Variants in DOCK11 observed in about 807,000 individuals in gnomAD.
DOCK11 encodes the protein dedicator of cytokinesis 11, also known as dedicator of cytokinesis protein 11.
Under a neutral mutation model 169.1 loss-of-function variants are expected in DOCK11, and 70 were observed. That is an observed-to-expected ratio of 0.41 (90% CI 0.34 to 0.51). DOCK11 has a LOEUF of 0.51. DOCK11 is among the 20% of genes least tolerant of loss of function. The pLI is 0.10. For synonymous variants in DOCK11, 529 were observed against 541.3 expected (o/e 0.98, Z 0.32); for missense variants, 1,166 against 1,538.8 (o/e 0.76, Z 4.05).
intron 40 of DOCK11, among the ~76,000 whole-genome samples, chrX:118,648,659 T>C (rs1234347965): frequency 9.8e-6 from 1 of 102,402 alleles, no homozygotes; most frequent in Non-Finnish European, 2.0e-5. Flanking sequence ...TATAATACTA[T>C]AATATGTTGC....
intron 18 of DOCK11, among the ~76,000 whole-genome samples, chrX:118,589,939 C>G (rs1266399700): frequency 8.9e-6 from 1 of 112,335 alleles, no homozygotes; most frequent in Non-Finnish European, 1.9e-5. Context: ...AATGAGTAGG[C>G]CTGTTCAGCT....
intron 44 of DOCK11, among the ~76,000 whole-genome samples, chrX:118,659,070 A>G (rs909092934): frequency 2.7e-5 from 3 of 111,259 alleles, no homozygotes; most frequent in Non-Finnish European, 1.9e-5. Flanking sequence ...TTATTCCCTC[A>G]TTCTTTCCTA....
chrX:118,633,899 G>C (rs2015315341), intron 35 of DOCK11: 1 of 112,586 alleles, frequency 8.9e-6, no homozygotes, highest in Non-Finnish European at 1.9e-5. Flanking sequence ...TAATTTATTT[G>C]TTTCTTTAGT....
chrX:118,634,743 T>G (rs2015343185), intron 35 of DOCK11, among the ~76,000 whole-genome samples: 1 of 111,999 alleles, frequency 8.9e-6, no homozygotes, highest in African/African-American at 3.2e-5. Context: ...TTTAATTTTT[T>G]TTAGATGGAG....
At position 118,578,663 on chromosome X, in the gene DOCK11, T is replaced by A; in HGVS notation, c.1512+16T>A. 1 of 1,188,361 alleles carries A rather than the reference T, an allele frequency of 8.4e-7. No homozygotes were observed. The highest frequency in any genetic ancestry group is 1.1e-6 in the Non-Finnish European group (1 of 882,711). On this transcript the variant is annotated intron_variant, in intron 13 of 52. Transcript: ENST00000276202. ...TCCAGTAAAGGTAATTTATAAAGGT[T>A]GTTGATCAACATTTCACCTTAACGT...
chrX:118,522,724 G>A (rs1407648099), intron 1 of DOCK11, among the ~76,000 whole-genome samples: 1 of 111,922 alleles, frequency 8.9e-6, no homozygotes, highest in African/African-American at 3.3e-5. Flanking sequence ...GATGGGCCCA[G>A]TTCCTCTTCT....
At chrX:118,652,980 G>A (rs996631788) in intron 42 of DOCK11, among the ~76,000 whole-genome samples, 6 of 112,222 alleles carry the variant, frequency 5.3e-5, no homozygotes, top group East Asian at 5.6e-4. Context: ...AGTGCCAGCC[G>A]CTCTCAGGCT....
intron 44 of DOCK11, among the ~76,000 whole-genome samples, chrX:118,656,225 C>A (rs971864330): frequency 2.7e-5 from 3 of 109,759 alleles, no homozygotes; most frequent in Non-Finnish European, 5.7e-5. Flanking sequence ...CAGGACACTG[C>A]ACTTCAACCT....
chrX:118,584,696 A>AT (rs376283615), intron 14 of DOCK11, 39 bp from the exon 15 acceptor site: 3,651 of 938,418 alleles, frequency 3.9e-3, no homozygotes, highest in East Asian at 6.2e-3. Context: ...TCAACATGGA[A>AT]TTTTTTTTTT....
chrX:118,590,518 T>C (rs1055508967), intron 19 of DOCK11, among the ~76,000 whole-genome samples: 22 of 111,368 alleles, frequency 2.0e-4, no homozygotes, highest in African/African-American at 7.2e-4. Flanking sequence ...CTCTTCGACT[T>C]GAGGTAACAA....
chrX:118,615,755 T>C (rs1408328667), intron 30 of DOCK11, 44 bp downstream of exon 30: 8 of 1,036,278 alleles, frequency 7.7e-6, no homozygotes, highest in East Asian at 3.1e-5. Context: ...TTTTTTTCCA[T>C]GTTTTGCTAG....
intron 1 of DOCK11, among the ~76,000 whole-genome samples, chrX:118,531,958 G>A (rs2011602062): frequency 9.0e-6 from 1 of 111,551 alleles, no homozygotes; most frequent in Non-Finnish European, 1.9e-5. Context: ...GTTTAAGACA[G>A]TCAAAAAACC....
At chrX:118,644,763 C>T (rs1004723801) in intron 40 of DOCK11, among the ~76,000 whole-genome samples, 2 of 111,851 alleles carry the variant, frequency 1.8e-5, no homozygotes, top group African/African-American at 6.5e-5. Flanking sequence ...GAGTACAGAT[C>T]ATGTGGACTC....
At chrX:118,526,504 G>C (rs2011380312) in intron 1 of DOCK11, among the ~76,000 whole-genome samples, 1 of 112,081 alleles carries the variant, frequency 8.9e-6, no homozygotes, top group East Asian at 2.8e-4. Context: ...GTCTGAACGT[G>C]AGTGCTCTCA....
intron 30 of DOCK11, chrX:118,616,326 T>C: frequency 3.1e-6 from 2 of 652,758 alleles, no homozygotes; most frequent in Non-Finnish European, 4.1e-6. Flanking sequence ...ATGGGGGCTT[T>C]GTTTGCTTTT....
intron 1 of DOCK11, among the ~76,000 whole-genome samples, chrX:118,513,211 G>A (rs150114314): frequency 8.9e-6 from 1 of 111,957 alleles, no homozygotes; most frequent in African/African-American, 3.2e-5. Context: ...GCTAAAAAGT[G>A]TGCTTTGTGG....
chrX:118,611,375 A>G (rs1168211119), intron 28 of DOCK11, among the ~76,000 whole-genome samples: 1 of 112,436 alleles, frequency 8.9e-6, no homozygotes, highest in Non-Finnish European at 1.9e-5. Context: ...TGTTGTACAC[A>G]GTGTTTTTAA....
At chrX:118,657,223 A>G (rs769183471) in intron 44 of DOCK11, among the ~76,000 whole-genome samples, 3 of 111,271 alleles carry the variant, frequency 2.7e-5, no homozygotes, top group African/African-American at 9.8e-5. Context: ...TGGAAATAAT[A>G]TTTTCAACTA....
chrX:118,608,640 G>T (rs966303925), intron 26 of DOCK11, among the ~76,000 whole-genome samples: 1 of 111,579 alleles, frequency 9.0e-6, no homozygotes, highest in Non-Finnish European at 1.9e-5. Context: ...CCTGGGGCCA[G>T]GTATTTAACA....
Sources: allele counts gnomAD v4.1 joint callset (sites outside exome capture counted in the v4.1 genomes callset), GRCh38; gene constraint gnomAD v4.1.1; transcripts MANE v1.5; gene names NCBI Gene and HGNC (gene_info 2026-07-23, HGNC 2026-07-21).